CHD1: variants seen among roughly 807,000 people sequenced by gnomAD.
The protein encoded by CHD1 is ATP-dependent chromatin remodeler CHD1.
In CHD1, 36 loss-of-function variants were observed where a neutral mutation model predicts 224.2. The ratio of observed to expected loss-of-function variants is 0.16; its 90% CI spans 0.12 to 0.21. The LOEUF is 0.21. Among genes scored for constraint, CHD1 ranks in the 10% least tolerant of loss-of-function variants. The pLI is 1.00. For missense variants in CHD1, 1,378 were observed against 1,994.8 expected (o/e 0.69, Z 5.89); for synonymous variants, 668 against 658.3 (o/e 1.01, Z -0.23).
intron 27 of CHD1, 66 bp from the exon 28 acceptor site, chr5:98,872,267 A>G: frequency 2.6e-6 from 4 of 1,533,410 alleles, no homozygotes; most frequent in Admixed American, 2.0e-5. Context: ...TAATTTTGAA[A>G]AACGTGAGTC....
chr5:98,874,977 T>A, intron 25 of CHD1, 95 bp downstream of exon 25: 1 of 698,036 alleles, frequency 1.4e-6, no homozygotes, highest in Non-Finnish European at 2.5e-6. Flanking sequence ...AAAGCAAATT[T>A]AACAAAGTAG....
Position 98,869,606 on chromosome 5 carries a change from G to A in CHD1, c.4107+148C>T, listed in dbSNP as rs325206. The A allele has an allele frequency of 1.1e-3, 840 of 739,358 alleles. 7 individuals are homozygous for A. The African/African-American group carries it at 0.018, about 16-fold the overall frequency. The allele number at this position is 739,358 out of a possible 1,614,324, so 45.8% of individuals were successfully genotyped here. A position where few individuals can be genotyped will look rare whatever the true frequency, so the allele number is the denominator to read the frequency against. On this transcript the variant is annotated intron_variant, in intron 30 of 35. Coordinates refer to ENST00000614616, the MANE Select transcript of CHD1 (RefSeq NM_001270.4). ...TGAGACTGTTATGAACTATAAGTGC[G>A]TGCGCACGTGCGCGCGCACACACAC...
rs546676726 is a variant in CHD1, at chr5:98,869,698, A to C, written c.4107+56T>G. 7.0e-6 allele frequency: 11 copies of C among 1,578,100 alleles called. No homozygotes were observed. The East Asian group carries it at 2.2e-4, about 32-fold the overall frequency. On this transcript the variant is annotated intron_variant, in intron 30 of 35. Transcript: ENST00000614616. ...AAATTTTAAATGTAAAGTACACAAA[A>C]ACATGCCATATTCCCTTTCCATAGA... is the stretch of plus-strand genomic sequence containing the variant.
intron 14 of CHD1, 152 bp downstream of exon 14, chr5:98,893,264 A>T (rs1331094421): frequency 1.2e-5 from 6 of 509,694 alleles, no homozygotes; most frequent in Non-Finnish European, 2.1e-5. Flanking sequence ...ATTACAAACT[A>T]CCTGACCTCA....
intron 8 of CHD1, 37 bp from the exon 9 acceptor site, chr5:98,898,801 C>A (rs200953579): frequency 2.6e-6 from 3 of 1,161,916 alleles, no homozygotes; most frequent in East Asian, 4.7e-5. Context: ...ACTTAAAAAT[C>A]TCCCATAAAT....
At chr5:98,894,482 C>T (rs1053842397) in intron 13 of CHD1, 115 bp downstream of exon 13, 4 of 388,532 alleles carry the variant, frequency 1.0e-5, no homozygotes, top group Non-Finnish European at 1.5e-5. Context: ...AATAAGACCA[C>T]AGGCTATAGC....
At chr5:98,871,087 AGT>A (rs1011230408) in intron 28 of CHD1, among the ~76,000 whole-genome samples, 1 of 152,056 alleles carries the variant, frequency 6.6e-6, no homozygotes, top group Non-Finnish European at 1.5e-5. Flanking sequence ...AATATACAAA[AGT>A]GTACTTAACA....
At chr5:98,897,839 T>G (rs1433243560) in intron 10 of CHD1, among the ~76,000 whole-genome samples, 1 of 152,146 alleles carries the variant, frequency 6.6e-6, no homozygotes, top group Non-Finnish European at 1.5e-5. Context: ...CCTATATCAC[T>G]CTCCTTTTTC....
chr5:98,889,257 GA>G lies in CHD1; in HGVS notation c.2181-20del. On this transcript the variant is annotated intron_variant, in intron 15 of 35. Transcript: ENST00000614616. ...AATCCATCTTAAAAAAAAAAATTAT[GA>G]AAACGATGTTTAGCAGAACAATTAC... The G allele has an allele frequency of 6.6e-7, 1 of 1,520,816 alleles. No homozygotes were observed. The highest frequency in any genetic ancestry group is 8.9e-7 in the Non-Finnish European group (1 of 1,126,942). The allele number at this position is 1,520,816 out of a possible 1,614,324, so 94.2% of individuals were successfully genotyped here.
Position 98,899,674 on chromosome 5 carries a change from A to T in CHD1, c.891T>A (p.Val297=). The T allele has an allele frequency of 6.2e-7, 1 of 1,613,608 alleles. No individual in the cohort carries two copies. The highest frequency in any genetic ancestry group is 8.5e-7 in the Non-Finnish European group (1 of 1,179,774). The stretch of plus-strand genomic sequence containing the variant: ...CTGCATTTGGGTCACCATCTGCTTC[A>T]ACTGCATAGATGGTTGTAGTAGCAC... ...ATGATTTIYA[V]EADGDPNAGF... Residue 297 remains valine, a synonymous_variant, in exon 8 of 36, where the codon GTT becomes GTA. Coordinates refer to ENST00000614616, the MANE Select transcript of CHD1 (RefSeq NM_001270.4).
intron 23 of CHD1, among the ~76,000 whole-genome samples, chr5:98,878,764 T>G (rs953032085): frequency 7.2e-5 from 11 of 152,084 alleles, no homozygotes; most frequent in Non-Finnish European, 1.3e-4. Context: ...AAAAAACCTG[T>G]GGGTCAAAGA....
At chr5:98,897,672 G>A (rs925767318) in intron 10 of CHD1, among the ~76,000 whole-genome samples, 1 of 152,078 alleles carries the variant, frequency 6.6e-6, no homozygotes, top group Admixed American at 6.5e-5. Context: ...TTAGCTTACC[G>A]TTCAATTTCT....
At position 98,858,373 on chromosome 5, in the gene CHD1, C is replaced by T; in HGVS notation, c.4594G>A (p.Glu1532Lys). 1 of 1,612,246 alleles carries T rather than the reference C, an allele frequency of 6.2e-7. No homozygotes were observed. The highest frequency in any genetic ancestry group is 8.5e-7 in the Non-Finnish European group (1 of 1,178,600). ...CTGCTATCATCGTGATTTGTATTCT[C>T]TTTTAATCTTTCCACATCTGTTAGA... is the stretch of plus-strand genomic sequence containing the variant. ...IRNPDVERLKENTNHDDSSRD... is the reference protein window; with the variant it reads ...IRNPDVERLKKNTNHDDSSRD... The change falls in exon 35 of 36, where the codon GAG becomes AAG. Residue 1532 changes from glutamate to lysine, a missense_variant. Physicochemically the swap from Glu to Lys is moderately conservative, Grantham distance 56. Around this residue, in one of 16 missense-constraint regions of CHD1, gnomAD observed 278 missense variants for 298.5 expected, o/e 0.93. Coordinates refer to ENST00000614616, the MANE Select transcript of CHD1 (RefSeq NM_001270.4).
At chr5:98,860,522 G>A in intron 32 of CHD1, 1 of 212,268 alleles carries the variant, frequency 4.7e-6, no homozygotes, top group Non-Finnish European at 9.6e-6. Context: ...ACTTAATAAT[G>A]GTAATGTAAT....
chr5:98,891,806 G>A (rs1240485573), intron 15 of CHD1, among the ~76,000 whole-genome samples: 1 of 152,046 alleles, frequency 6.6e-6, no homozygotes, highest in Non-Finnish European at 1.5e-5. Flanking sequence ...GGGAGACTCC[G>A]TCTCAAAAAA....
At chr5:98,888,687 G>C (rs1750811194) in intron 16 of CHD1, among the ~76,000 whole-genome samples, 1 of 152,172 alleles carries the variant, frequency 6.6e-6, no homozygotes, top group Non-Finnish European at 1.5e-5. Context: ...TCGCACTTCT[G>C]ACTTATCTTC....
intron 18 of CHD1, among the ~76,000 whole-genome samples, chr5:98,885,033 G>C (rs969687564): frequency 7.2e-5 from 11 of 151,864 alleles, no homozygotes; most frequent in Non-Finnish European, 1.5e-5. Context: ...TGCCCAATCT[G>C]GCTAATTTAT....
At chr5:98,868,132 C>T (rs957375902) in intron 31 of CHD1, among the ~76,000 whole-genome samples, 7 of 151,522 alleles carry the variant, frequency 4.6e-5, no homozygotes, top group African/African-American at 1.7e-4. Flanking sequence ...AGTTCGAGAC[C>T]AGCCTGGGTG....
chr5:98,926,381 A>G lies in CHD1; in HGVS notation c.6T>C (p.Asn2=), dbSNP rs747445027. 9 of 1,494,542 alleles carry G rather than the reference A, an allele frequency of 6.0e-6. No individual in the cohort carries two copies. In the East Asian group the frequency reaches 1.2e-4, roughly 21 times the overall value. 92.6% of individuals were successfully genotyped at this position (1,494,542 alleles called of 1,614,324 possible). A position where few individuals can be genotyped will look rare whatever the true frequency, so the allele number is the denominator to read the frequency against. Residue 2 remains asparagine, a synonymous_variant, in exon 2 of 36, where the codon AAT becomes AAC. Transcript: ENST00000614616. ...TAACACTTTCTTCATCACTGTGTCC[A>G]TTCATTGTAAATTATTATCAAGAAG... M[N]GHSDEESVRN...
Sources: gnomAD v4.1 joint callset for allele counts (sites outside exome capture counted in the v4.1 genomes callset) on GRCh38, gnomAD v4.1.1 for gene constraint, gnomAD v4.1.1 regional missense constraint, MANE v1.5 for transcripts, NCBI Gene and HGNC (gene_info 2026-07-23, HGNC 2026-07-21) for gene names.